Variants in SPMIP4 observed in about 807,000 individuals in gnomAD.
SPMIP4 encodes sperm-associated microtubule inner protein 4.
the SPMIP4 span, among the ~76,000 whole-genome samples, chr7:25,167,534 T>C: frequency 6.6e-6 from 1 of 152,222 alleles, no homozygotes; most frequent in Admixed American, 6.5e-5. Flanking sequence ...TTGTCTGCTT[T>C]TTATTGCTTT....
chr7:25,170,190 G>C, the SPMIP4 span, among the ~76,000 whole-genome samples: 1 of 152,052 alleles, frequency 6.6e-6, no homozygotes, highest in East Asian at 1.9e-4. Flanking sequence ...CCACATCTTT[G>C]CCAACACTTG....
the SPMIP4 span, among the ~76,000 whole-genome samples, chr7:25,159,813 G>A: frequency 2.6e-5 from 4 of 152,234 alleles, no homozygotes; most frequent in East Asian, 7.7e-4. Context: ...GGGGCACAAA[G>A]GGCAGGGAAG....
chr7:25,143,001 T>C, the SPMIP4 span, among the ~76,000 whole-genome samples: 1 of 152,072 alleles, frequency 6.6e-6, no homozygotes, highest in Non-Finnish European at 1.5e-5. Flanking sequence ...TTAAACACAA[T>C]ATTCTATCAA....
chr7:25,173,986 C>G, the SPMIP4 span, among the ~76,000 whole-genome samples: 1 of 152,034 alleles, frequency 6.6e-6, no homozygotes, highest in Non-Finnish European at 1.5e-5. The surrounding 1 kb of genome is among the most constrained non-coding windows in gnomAD (Gnocchi z 4.4). Flanking sequence ...GAGAAGGAAC[C>G]AAATTAAAAT....
chr7:25,177,017 A>G, the SPMIP4 span, among the ~76,000 whole-genome samples: 27,106 of 152,238 alleles, frequency 0.18, 3,387 homozygotes, highest in African/African-American at 0.35. Context: ...CTAGCATGGG[A>G]TGATGAATGA....
the SPMIP4 span, chr7:25,134,719 A>G: frequency 5.1e-6 from 5 of 985,396 alleles, no homozygotes; most frequent in African/African-American, 8.7e-5. Flanking sequence ...TACACCTTCC[A>G]AAGTTTATTA....
chr7:25,135,388 G>A, the SPMIP4 span: 15 of 985,098 alleles, frequency 1.5e-5, no homozygotes, highest in South Asian at 9.4e-5. Context: ...CATTTTTTTC[G>A]CTGACTTATT....
At chr7:25,151,560 A>T in the SPMIP4 span, 1 of 1,294,536 alleles carries the variant, frequency 7.7e-7, no homozygotes, top group Non-Finnish European at 1.1e-6. Context: ...AATATTTGTT[A>T]CTTTCCTTTA....
At chr7:25,135,417 A>G in the SPMIP4 span, 4 of 985,542 alleles carry the variant, frequency 4.1e-6, no homozygotes, top group Non-Finnish European at 4.8e-6. Flanking sequence ...ATGTTTACAT[A>G]AAGGAACAGA....
chr7:25,179,430 C>T, the SPMIP4 span: 1 of 1,018,804 alleles, frequency 9.8e-7, no homozygotes, highest in Non-Finnish European at 1.4e-6. Flanking sequence ...GCTGCACAGA[C>T]GTCACAGGCT....
chr7:25,134,531 A>G, the SPMIP4 span, among the ~76,000 whole-genome samples: 1 of 152,326 alleles, frequency 6.6e-6, no homozygotes, highest in Non-Finnish European at 1.5e-5. Flanking sequence ...TGACTATGAC[A>G]ATGCCTAAAG....
the SPMIP4 span, chr7:25,136,118 C>T: frequency 9.3e-6 from 15 of 1,614,098 alleles, 1 homozygote; most frequent in South Asian, 1.5e-4. This position sits in a 1 kb window ranked among gnomAD's most constrained non-coding sequence, Gnocchi z 5.7. Context: ...TTCTTAAGCT[C>T]CAGCAGGTTG....
chr7:25,177,653 T>G, the SPMIP4 span, among the ~76,000 whole-genome samples: 4 of 152,218 alleles, frequency 2.6e-5, no homozygotes, highest in Non-Finnish European at 5.9e-5. Context: ...ATTACTTGTG[T>G]GTATCTGTTA....
the SPMIP4 span, among the ~76,000 whole-genome samples, chr7:25,146,333 A>T: frequency 2.0e-5 from 3 of 152,230 alleles, no homozygotes; most frequent in Non-Finnish European, 2.9e-5. Context: ...AGATGAGGAG[A>T]GAGAGAGACA....
chr7:25,153,003 CA>C, the SPMIP4 span, among the ~76,000 whole-genome samples: 2 of 152,006 alleles, frequency 1.3e-5, no homozygotes, highest in East Asian at 3.9e-4. Flanking sequence ...TTTGGCCTCC[CA>C]AAGTGCTAGG....
chr7:25,145,446 T>A, the SPMIP4 span, among the ~76,000 whole-genome samples: 2 of 152,122 alleles, frequency 1.3e-5, no homozygotes, highest in African/African-American at 4.8e-5. Context: ...CAGGAAACAT[T>A]TGAGAGGGGA....
At chr7:25,135,812 C>T in the SPMIP4 span, 1 of 1,357,392 alleles carries the variant, frequency 7.4e-7, no homozygotes, top group Non-Finnish European at 9.4e-7. Flanking sequence ...TTCTGGGTTC[C>T]TCCAACCAGA....
At chr7:25,170,083 G>A in the SPMIP4 span, among the ~76,000 whole-genome samples, 25,060 of 152,112 alleles carry the variant, frequency 0.16, 2,735 homozygotes, top group African/African-American at 0.31. Context: ...GTCATATGGT[G>A]ATTCTGTTTA....
chr7:25,147,226 G>A, the SPMIP4 span, among the ~76,000 whole-genome samples: 9 of 152,218 alleles, frequency 5.9e-5, no homozygotes, highest in Non-Finnish European at 8.8e-5. Context: ...CCCGGAAGGC[G>A]GAGGCTGCAG....
Sources: gnomAD v4.1 joint callset for allele counts (sites outside exome capture counted in the v4.1 genomes callset) on GRCh38, gnomAD v4.1.1 for gene constraint, Gnocchi (gnomAD v3.1) non-coding constraint, MANE v1.5 for transcripts, NCBI Gene and HGNC (gene_info 2026-07-23, HGNC 2026-07-21) for gene names.